The following DNAJC1 variants were observed in gnomAD, a reference collection of about 807,000 sequenced individuals.
The protein encoded by DNAJC1 is dnaJ homolog subfamily C member 1.
A neutral mutation model predicts 76.6 loss-of-function variants in DNAJC1; 58 were observed. The observed-to-expected ratio is 0.76, with a 90% CI of 0.61 to 0.94. DNAJC1 has a LOEUF of 0.94. DNAJC1 is among the 40% of genes least tolerant of loss of function. The pLI, the probability that DNAJC1 is intolerant of heterozygous loss-of-function variation, is 0.00. For synonymous variants in DNAJC1, 258 were observed against 267.9 expected, an observed-to-expected ratio of 0.96 and a Z score of 0.36; for missense variants, 689 against 677.3, an observed-to-expected ratio of 1.02 and a Z score of -0.19.
chr10:21,910,906 A>C (rs1836847648), intron 6 of DNAJC1, among the ~76,000 whole-genome samples: 2 of 145,722 alleles, frequency 1.4e-5, no homozygotes, highest in Non-Finnish European at 3.0e-5. Flanking sequence ...AGGAAAGAAA[A>C]GGAAGAAAGA....
intron 8 of DNAJC1, among the ~76,000 whole-genome samples, chr10:21,871,885 T>A (rs1836110549): frequency 6.6e-6 from 1 of 151,840 alleles, no homozygotes; most frequent in Admixed American, 6.6e-5. Flanking sequence ...TCCTCCTGCC[T>A]CAGCTTCCCA....
intron 8 of DNAJC1, among the ~76,000 whole-genome samples, chr10:21,840,885 G>C (rs532276833): frequency 6.6e-6 from 1 of 152,116 alleles, no homozygotes; most frequent in Non-Finnish European, 1.5e-5. Context: ...AAACAGCATG[G>C]TACTGGTACC....
At chr10:21,807,819 A>T (rs1834904284) in intron 8 of DNAJC1, among the ~76,000 whole-genome samples, 4 of 152,226 alleles carry the variant, frequency 2.6e-5, no homozygotes, top group Non-Finnish European at 5.9e-5. Context: ...TTTGATATTT[A>T]ATGAATATCA....
chr10:21,887,665 G>A (rs753581546), intron 7 of DNAJC1, among the ~76,000 whole-genome samples: 1 of 152,106 alleles, frequency 6.6e-6, no homozygotes, highest in Non-Finnish European at 1.5e-5. Flanking sequence ...AAGTGGTGCT[G>A]GAATAACTGG....
chr10:21,833,893 C>T (rs1835403169), intron 8 of DNAJC1, among the ~76,000 whole-genome samples: 1 of 151,968 alleles, frequency 6.6e-6, no homozygotes, highest in Non-Finnish European at 1.5e-5. Context: ...TTAAGTGGCA[C>T]AGAAATGTGC....
At chr10:21,892,660 T>C (rs1836478821) in intron 7 of DNAJC1, among the ~76,000 whole-genome samples, 1 of 151,826 alleles carries the variant, frequency 6.6e-6, no homozygotes, top group South Asian at 2.1e-4. Flanking sequence ...TATAACAATA[T>C]GGGTAGACTG....
intron 8 of DNAJC1, among the ~76,000 whole-genome samples, chr10:21,811,940 C>G (rs1281037282): frequency 6.6e-6 from 1 of 152,140 alleles, no homozygotes; most frequent in Non-Finnish European, 1.5e-5. Flanking sequence ...CATGAGCATT[C>G]TTGTTGTTCC....
intron 7 of DNAJC1, among the ~76,000 whole-genome samples, chr10:21,891,476 C>CAAAAAAAAAAAAAAAAAAAAAAAA (rs369729722): frequency 5.7e-4 from 22 of 38,836 alleles, no homozygotes; most frequent in South Asian, 1.2e-3. Flanking sequence ...ACAAAGTAGA[C>CAAAAAAAAAAAAAAAAAAAAAAAA]AAAAAAAAAA....
chr10:21,894,388 C>G (rs942746274), intron 7 of DNAJC1, among the ~76,000 whole-genome samples: 5 of 152,026 alleles, frequency 3.3e-5, no homozygotes. Flanking sequence ...CTGGCCAACA[C>G]GGTGAAACCT....
chr10:21,944,168 A>AG (rs1448767900), intron 1 of DNAJC1, among the ~76,000 whole-genome samples: 1 of 87,754 alleles, frequency 1.1e-5, no homozygotes, highest in African/African-American at 3.9e-5. Flanking sequence ...CATCACATAA[A>AG]GGTTTTTTTT....
intron 8 of DNAJC1, among the ~76,000 whole-genome samples, chr10:21,813,220 C>CTCTATA (rs1438462566): frequency 2.2e-3 from 42 of 19,080 alleles, no homozygotes; most frequent in Non-Finnish European, 3.2e-3. Flanking sequence ...CTCTCTCTCT[C>CTCTATA]TATATATATA....
chr10:21,974,045 T>C (rs1838024957), intron 1 of DNAJC1, among the ~76,000 whole-genome samples: 4 of 146,316 alleles, frequency 2.7e-5, no homozygotes, highest in Non-Finnish European at 5.9e-5. Flanking sequence ...GAGGTTGCAG[T>C]GAGCCGAGAT....
chr10:21,770,398 T>C (rs951465636), intron 9 of DNAJC1, among the ~76,000 whole-genome samples: 28 of 134,650 alleles, frequency 2.1e-4, no homozygotes, highest in Admixed American at 3.6e-4. Flanking sequence ...TTTTCTTCTT[T>C]TTTTTTTTTT....
At chr10:21,782,910 A>G (rs555657646) in intron 9 of DNAJC1, among the ~76,000 whole-genome samples, 61 of 152,334 alleles carry the variant, frequency 4.0e-4, no homozygotes, top group African/African-American at 1.4e-3. Context: ...TCAAAATAGT[A>G]AGAGCTATTT....
At chr10:21,998,432 C>A (rs1289519643) in intron 1 of DNAJC1, among the ~76,000 whole-genome samples, 1 of 151,316 alleles carries the variant, frequency 6.6e-6, no homozygotes, top group Non-Finnish European at 1.5e-5. Flanking sequence ...TGCCACTGAC[C>A]CCACAAGAAG....
chr10:21,792,856 A>G (rs1246075044), intron 9 of DNAJC1, among the ~76,000 whole-genome samples: 1 of 152,174 alleles, frequency 6.6e-6, no homozygotes, highest in Non-Finnish European at 1.5e-5. Context: ...TTTAACATCC[A>G]AAGATCAATT....
chr10:21,834,592 G>A (rs60773921), intron 8 of DNAJC1, among the ~76,000 whole-genome samples: 23,200 of 152,104 alleles, frequency 0.15, 1,932 homozygotes, highest in East Asian at 0.19. Flanking sequence ...AGTGACAGAC[G>A]GCACCTGGAA....
chr10:21,845,580 C>T (rs551632689), intron 8 of DNAJC1, among the ~76,000 whole-genome samples: 1 of 152,154 alleles, frequency 6.6e-6, no homozygotes, highest in South Asian at 2.1e-4. Context: ...GTCTCGAAAT[C>T]TTGACCTCGG....
Position 21,871,610 on chromosome 10 carries a change from T to C in DNAJC1, c.978+10672A>G, listed in dbSNP as rs116316213. On this transcript the variant is annotated intron_variant, in intron 8 of 11. Transcript: ENST00000376980. Reference sequence around the variant, plus strand: ...AAAAGTAGAGATCTGATTTTCATAATTGCTGATTTATAACATTTAAAATGT... The same window carrying C: ...AAAAGTAGAGATCTGATTTTCATAACTGCTGATTTATAACATTTAAAATGT... Among the ~76,000 whole-genome samples the C allele has an allele frequency of 6.2e-3, 945 of 152,138 alleles. 15 individuals are homozygous for C. Among genetic ancestry groups the C allele is most frequent in the African/African-American group, 0.021 (880 of 41,424 alleles).
Sources: gnomAD v4.1 joint callset for allele counts (sites outside exome capture counted in the v4.1 genomes callset) on GRCh38, gnomAD v4.1.1 for gene constraint, MANE v1.5 for transcripts, NCBI Gene and HGNC (gene_info 2026-07-23, HGNC 2026-07-21) for gene names.